The following ZNF695 variants were observed in gnomAD, a reference collection of about 807,000 sequenced individuals.
ZNF695 encodes zinc finger protein SBZF3.
Under a neutral mutation model 11.2 loss-of-function variants are expected in ZNF695, and 11 were observed. The ratio of observed to expected loss-of-function variants is 0.98; its 90% CI spans 0.62 to 1.62. ZNF695 has a LOEUF of 1.62. Ranked by LOEUF, ZNF695 falls within the 40% of genes most tolerant of loss-of-function variation. The probability of loss-of-function intolerance (pLI) is 0.00; values close to 1 mark genes in which losing one functional copy is unlikely to be tolerated. For missense variants in ZNF695, 559 were observed against 590.5 expected, an observed-to-expected ratio of 0.95 and a Z score of 0.55; for synonymous variants, 190 against 201.4, an observed-to-expected ratio of 0.94 and a Z score of 0.48.
At chr1:246,981,574 G>A (rs895877426), downstream of ZNF695, among the ~76,000 whole-genome samples, 3 of 152,128 alleles carry the variant, frequency 2.0e-5, no homozygotes, top group Non-Finnish European at 2.9e-5. Flanking sequence ...CTATTAGTCC[G>A]TCATCAGTAC....
chr1:246,986,928 AAAGACTATGCCATAT>A lies in ZNF695; in HGVS notation c.*24_*38del. 3 of 1,528,302 alleles carry A rather than the reference AAAGACTATGCCATAT, an allele frequency of 2.0e-6. No homozygotes were observed. Among genetic ancestry groups the A allele is most frequent in the Non-Finnish European group, 2.6e-6 (3 of 1,143,296 alleles). The allele number at this position is 1,528,302 out of a possible 1,614,324, so 94.7% of individuals were successfully genotyped here. On this transcript the variant is annotated 3_prime_UTR_variant, in exon 4 of 4. Coordinates refer to ENST00000339986, the MANE Select transcript of ZNF695 (RefSeq NM_020394.5). ...TGCTGTGAAGTTGTGAATAGGTATT[AAAGACTATGCCATAT>A]TGTTTAGAATTGTAGGGTTTTTCTC...
chr1:246,995,948 G>T, intron 3 of ZNF695: 1 of 424,470 alleles, frequency 2.4e-6, no homozygotes, highest in Non-Finnish European at 4.7e-6. Context: ...GTCACATGAA[G>T]AGTTCTTTGC....
intron 5 of ZNF695, among the ~76,000 whole-genome samples, chr1:246,952,536 G>GCTT (rs1273838693): frequency 1.4e-5 from 2 of 143,608 alleles, no homozygotes; most frequent in Admixed American, 7.1e-5. Flanking sequence ...ATAATGTTAT[G>GCTT]CTTCTTCTTC....
rs918889009 is a variant in ZNF695 at position 246,962,754 on chromosome 1, A to G, written c.488+4941T>C. Among the ~76,000 whole-genome samples the G allele has an allele frequency of 1.1e-4, 17 of 150,722 alleles. No individual in the cohort carries two copies. In the East Asian group the frequency reaches 1.2e-3, roughly 10 times the overall value. On this transcript the variant is annotated intron_variant, in intron 5 of 5. Coordinates refer to the ZNF695 transcript ENST00000487338. ...GTCACCCAGGCTGCAGTACAGTGGC[A>G]CGATCTCAGCTCACTGCAAGCTCCA...
Position 246,985,421 on chromosome 1 carries a change from T to C in ZNF695, c.*1546A>G, listed in dbSNP as rs1411576618. On this transcript the variant is annotated 3_prime_UTR_variant, in exon 4 of 4. Coordinates refer to ENST00000339986, the MANE Select transcript of ZNF695 (RefSeq NM_020394.5). ...ATGAAGGTGTAACGTGTGGGAACAA[T>C]ATTTTTCAAATTATTTGAAGTTTAA... The C allele has an allele frequency of 2.0e-6, 2 of 985,252 alleles. No individual in the cohort carries two copies. The highest frequency in any genetic ancestry group is 3.5e-5 in the African/African-American group (2 of 57,220). The allele number at this position is 985,252 out of a possible 1,614,324, so 61.0% of individuals were successfully genotyped here. A position where few individuals can be genotyped will look rare whatever the true frequency, so the allele number is the denominator to read the frequency against.
At chr1:246,974,834 C>T (rs116123491) in intron 4 of ZNF695, among the ~76,000 whole-genome samples, 4 of 152,172 alleles carry the variant, frequency 2.6e-5, no homozygotes, top group Non-Finnish European at 5.9e-5. Flanking sequence ...CTCACCACCT[C>T]TCCTGCTGAC....
chr1:247,007,358 T>C (rs532419630), intron 1 of ZNF695, among the ~76,000 whole-genome samples: 219 of 150,794 alleles, frequency 1.5e-3, no homozygotes, highest in African/African-American at 5.1e-3. Flanking sequence ...TAGCTGGGCG[T>C]GGTGGTGGGC....
At chr1:246,975,007 T>C (rs1457145201) in intron 4 of ZNF695, among the ~76,000 whole-genome samples, 1 of 152,212 alleles carries the variant, frequency 6.6e-6, no homozygotes, top group African/African-American at 2.4e-5. Context: ...GTTCTTCCCT[T>C]CCGAGCCTCA....
intron 4 of ZNF695, among the ~76,000 whole-genome samples, chr1:246,980,178 TAAAAAA>T (rs71566679): frequency 1.1e-5 from 1 of 88,756 alleles, no homozygotes; most frequent in Non-Finnish European, 2.2e-5. Context: ...ACTCTGTATT[TAAAAAA>T]AAAAAAAAAA....
At chr1:247,005,513 C>T (rs755179155) in intron 1 of ZNF695, among the ~76,000 whole-genome samples, 10 of 151,782 alleles carry the variant, frequency 6.6e-5, no homozygotes, top group South Asian at 2.1e-4. Context: ...CCAAGGAGTC[C>T]GACCAGCCTG....
chr1:246,985,376 T>C lies in ZNF695; in HGVS notation c.*1591A>G, dbSNP rs1668820276. On this transcript the variant is annotated 3_prime_UTR_variant, in exon 4 of 4. Transcript: ENST00000339986. ...TATAGCCTTAATAATGACACTGTCA[T>C]TACAAAAAGAGCAAACAGAATGAAG... 4 of 985,046 alleles carry C rather than the reference T, an allele frequency of 4.1e-6. No homozygotes were observed. Among genetic ancestry groups the C allele is most frequent in the Middle Eastern group, 5.2e-4 (1 of 1,936 alleles). The allele number at this position is 985,046 out of a possible 1,614,324, so 61.0% of individuals were successfully genotyped here. A position where few individuals can be genotyped will look rare whatever the true frequency, so the allele number is the denominator to read the frequency against.
chr1:246,967,157 C>T (rs1431702281), intron 5 of ZNF695, among the ~76,000 whole-genome samples: 2 of 152,252 alleles, frequency 1.3e-5, no homozygotes, highest in Admixed American at 6.5e-5. Context: ...AGGCTGGTCT[C>T]GAACTCCCGA....
At chr1:246,966,735 T>TGATC in intron 5 of ZNF695, 5 of 455,270 alleles carry the variant, frequency 1.1e-5, no homozygotes, top group Non-Finnish European at 2.2e-5. Flanking sequence ...CAGTGAGCTA[T>TGATC]GATCACATCA....
rs764167422 is a variant in ZNF695 at position 246,987,765 on chromosome 1, C to T, written c.750G>A (p.Lys250=). 1.9e-6 allele frequency: 3 copies of T among 1,596,718 alleles called. No individual in the cohort carries two copies. The East Asian group carries it at 6.7e-5, about 36-fold the overall frequency. The change falls in exon 4 of 4, where the codon AAG becomes AAA. Residue 250 remains lysine, a synonymous_variant. Transcript: ENST00000339986. ...CAACAACAGCAAGACTTGAGCAAGA[C>T]TTAAAAATGTTATTACATTCTTCAC... is the stretch of plus-strand genomic sequence containing the variant. ...CKCEECNNIF[K]SCSSLAVVEK...
At chr1:246,969,404 C>G (rs1055142920) in intron 4 of ZNF695, 3 of 152,250 alleles carry the variant, frequency 2.0e-5, no homozygotes, top group African/African-American at 7.2e-5. Context: ...TCATCTCCAT[C>G]TGAGAACTCC....
chr1:246,989,195 G>A (rs2103024413), intron 3 of ZNF695, among the ~76,000 whole-genome samples: 1 of 152,262 alleles, frequency 6.6e-6, no homozygotes, highest in Admixed American at 6.5e-5. Flanking sequence ...AACCCGGGAG[G>A]TGGAGGTTGT....
downstream of ZNF695, among the ~76,000 whole-genome samples, chr1:246,983,061 G>T (rs921829958): frequency 6.6e-6 from 1 of 151,982 alleles, no homozygotes; most frequent in Non-Finnish European, 1.5e-5. Context: ...AAAATTAGCC[G>T]GGTGTGGTGG....
chr1:246,945,989 C>T (rs765833870), intron 5 of ZNF695, among the ~76,000 whole-genome samples: 1 of 151,758 alleles, frequency 6.6e-6, no homozygotes, highest in Non-Finnish European at 1.5e-5. Context: ...TGAGCCACTG[C>T]GCCCAGCCTC....
chr1:246,979,632 G>A (rs368226412), intron 4 of ZNF695, among the ~76,000 whole-genome samples: 4 of 152,082 alleles, frequency 2.6e-5, no homozygotes, highest in South Asian at 2.1e-4. Flanking sequence ...AATGAATTTC[G>A]CATTCCAAAT....
Sources: allele counts gnomAD v4.1 joint callset (sites outside exome capture counted in the v4.1 genomes callset), GRCh38; gene constraint gnomAD v4.1.1; transcripts MANE v1.5; gene names NCBI Gene and HGNC (gene_info 2026-07-23, HGNC 2026-07-21).